Variants in ARPP19 observed in about 807,000 individuals in gnomAD.
ARPP19 encodes cAMP regulated phosphoprotein 19.
ARPP19 carries 8 observed loss-of-function variants against 12.0 expected under a neutral mutation model. That is an observed-to-expected ratio of 0.67 (90% CI 0.39 to 1.21). ARPP19 has a LOEUF of 1.21. ARPP19 is among the 50% of genes most tolerant of loss of function. ARPP19 has a pLI of 0.01. For synonymous variants in ARPP19, 47 were observed against 50.4 expected, an observed-to-expected ratio of 0.93 and a Z score of 0.29; for missense variants, 102 against 136.3, an observed-to-expected ratio of 0.75 and a Z score of 1.25.
chr15:52,548,141 T>C lies in ARPP19; in HGVS notation c.*3793A>G, dbSNP rs1439382014. ...CTGTAGTTTGTTACCTGAGGCAACC[T>C]TGGTCCAAAAATATTATGTGGAAAA... is the stretch of plus-strand genomic sequence containing the variant. On this transcript the variant is annotated 3_prime_UTR_variant, in exon 3 of 3. Coordinates refer to ENST00000249822, the MANE Select transcript of ARPP19 (RefSeq NM_006628.6). 1 of 152,240 alleles carries C rather than the reference T, an allele frequency of 6.6e-6. No homozygotes were observed. Among genetic ancestry groups the C allele is most frequent in the Non-Finnish European group, 1.5e-5 (1 of 68,042 alleles). 9.4% of individuals were successfully genotyped at this position (152,240 alleles called of 1,614,324 possible).
chr15:52,567,563 TTAA>T (rs904790601), intron 1 of ARPP19, among the ~76,000 whole-genome samples: 5 of 152,214 alleles, frequency 3.3e-5, no homozygotes, highest in African/African-American at 9.6e-5. Flanking sequence ...CAGGTGATAC[TTAA>T]TAATACTGTT....
chr15:52,556,985 A>G (rs2077987300), intron 2 of ARPP19, 115 bp downstream of exon 2: 2 of 1,138,130 alleles, frequency 1.8e-6, no homozygotes, highest in Non-Finnish European at 2.5e-6. Flanking sequence ...ACATATACAC[A>G]TATGTACATA....
At chr15:52,561,914 G>C (rs1197671037) in intron 1 of ARPP19, among the ~76,000 whole-genome samples, 3 of 148,148 alleles carry the variant, frequency 2.0e-5, no homozygotes, top group African/African-American at 7.4e-5. Flanking sequence ...TACCAAAACA[G>C]AGCTAGTGCA....
chr15:52,560,470 C>A (rs976397922), intron 1 of ARPP19, among the ~76,000 whole-genome samples: 2 of 152,212 alleles, frequency 1.3e-5, no homozygotes, highest in South Asian at 2.1e-4. Flanking sequence ...AACTTTCTTG[C>A]CAAATACATA....
intron 1 of ARPP19, among the ~76,000 whole-genome samples, chr15:52,559,858 A>C (rs965309431): frequency 1.3e-5 from 2 of 152,192 alleles, no homozygotes; most frequent in African/African-American, 4.8e-5. Context: ...GCTGGCTTCA[A>C]ATAATTTTGG....
intron 1 of ARPP19, chr15:52,557,513 TA>T: frequency 3.7e-6 from 1 of 272,746 alleles, no homozygotes; most frequent in South Asian, 5.3e-5. Context: ...CAGTCATGTA[TA>T]ATACATTTAT....
intron 1 of ARPP19, among the ~76,000 whole-genome samples, chr15:52,563,043 T>C (rs1229374176): frequency 6.6e-6 from 1 of 151,916 alleles, no homozygotes; most frequent in Non-Finnish European, 1.5e-5. Flanking sequence ...ACCTGGCTGA[T>C]TTTTGTATTT....
chr15:52,558,826 T>C (rs2078006666), intron 1 of ARPP19, among the ~76,000 whole-genome samples: 1 of 151,530 alleles, frequency 6.6e-6, no homozygotes, highest in Admixed American at 6.6e-5. Flanking sequence ...TCCCTTCCCT[T>C]TGTACCCACG....
At position 52,547,395 on chromosome 15, in the gene ARPP19, C is replaced by T. The variant is rs1201464908; in HGVS notation, c.*4539G>A. ...ACAAAACAAGGCATTTACTCTTGGC[C>T]CTTTCAGTACAGGCGAAGTGTTCTA... On this transcript the variant is annotated 3_prime_UTR_variant, in exon 3 of 3. Coordinates refer to ENST00000249822, the MANE Select transcript of ARPP19 (RefSeq NM_006628.6). 1.3e-5 allele frequency: 2 copies of T among 152,154 alleles called. No individual in the cohort carries two copies. Among genetic ancestry groups the T allele is most frequent in the African/African-American group, 4.8e-5 (2 of 41,410 alleles). The allele number at this position is 152,154 out of a possible 1,614,324, so 9.4% of individuals were successfully genotyped here.
At position 52,556,719 on chromosome 15, in the gene ARPP19, T is replaced by C. The variant is rs139273493; in HGVS notation, c.168+381A>G. 1.8e-3 allele frequency among the ~76,000 whole-genome samples: 269 copies of C among 152,192 alleles called. 3 individuals carry two copies. The East Asian group carries it at 0.034, about 19-fold the overall frequency. ...TGGATAGTGGCTGCTTTTGGAGAGA[T>C]AAGGGAAAGGGCTCATATTTACATA... On this transcript the variant is annotated intron_variant, in intron 2 of 2. Coordinates refer to ENST00000249822, the MANE Select transcript of ARPP19 (RefSeq NM_006628.6).
At chr15:52,553,912 T>C (rs2077958641) in intron 2 of ARPP19, among the ~76,000 whole-genome samples, 2 of 152,256 alleles carry the variant, frequency 1.3e-5, no homozygotes, top group Non-Finnish European at 2.9e-5. Context: ...ACTGCTTTAA[T>C]GTATTACTGT....
intron 2 of ARPP19, among the ~76,000 whole-genome samples, chr15:52,555,062 T>C (rs1401437197): frequency 6.6e-6 from 1 of 151,970 alleles, no homozygotes; most frequent in Non-Finnish European, 1.5e-5. Context: ...TTAAAAAAAA[T>C]CAAAACTTCA....
rs377278754 is a variant in ARPP19, at chr15:52,569,021, G to A, written c.-129C>T. ...GCCTCCGCCCGCGAAAATGGCCGCCGCCTTATGACGACACGGAGCCGCGAA... is the reference window on the plus strand; with the variant it reads ...GCCTCCGCCCGCGAAAATGGCCGCCACCTTATGACGACACGGAGCCGCGAA... On this transcript the variant is annotated 5_prime_UTR_variant, in exon 1 of 3. Coordinates refer to ENST00000249822, the MANE Select transcript of ARPP19 (RefSeq NM_006628.6). 5.4e-4 allele frequency: 357 copies of A among 658,920 alleles called. 2 individuals carry two copies. The East Asian group carries it at 0.01, about 19-fold the overall frequency. The allele number at this position is 658,920 out of a possible 1,614,324, so 40.8% of individuals were successfully genotyped here. A position where few individuals can be genotyped will look rare whatever the true frequency, so the allele number is the denominator to read the frequency against.
intron 1 of ARPP19, among the ~76,000 whole-genome samples, chr15:52,566,807 G>C (rs2078087178): frequency 6.6e-6 from 1 of 151,194 alleles, no homozygotes; most frequent in Non-Finnish European, 1.5e-5. Flanking sequence ...TGTACATATT[G>C]TTTCCTAATA....
chr15:52,560,884 G>A (rs1229561661), intron 1 of ARPP19, among the ~76,000 whole-genome samples: 1 of 152,168 alleles, frequency 6.6e-6, no homozygotes, highest in East Asian at 1.9e-4. Context: ...TCTAGTAGCA[G>A]CTACACGACA....
At chr15:52,568,140 T>C (rs1039201562) in intron 1 of ARPP19, 2 of 152,230 alleles carry the variant, frequency 1.3e-5, no homozygotes, top group African/African-American at 4.8e-5. Flanking sequence ...GTTTACAAAA[T>C]ATTCCTGTTT....
In ARPP19 at chr15:52,552,088, G is replaced by A. The variant is rs2077937912; in HGVS notation, c.185C>T (p.Ser62Phe). The change falls in exon 3 of 3, where the codon TCT becomes TTT. Residue 62 changes from serine (S) to phenylalanine (F), a missense_variant. Transcript: ENST00000249822. ...RLQKGQKYFD[S>F]GDYNMAKAKM... ...TGCTTTAGCCATGTTGTAATCCCCA[G>A]AATCAAAATATTTTTGCTATAAGTA... 6.2e-7 allele frequency: 1 copy of A among 1,611,682 alleles called. No homozygotes were observed. Among genetic ancestry groups the A allele is most frequent in the South Asian group, 1.1e-5 (1 of 90,990 alleles).
At chr15:52,564,458 T>C (rs2078063649) in intron 1 of ARPP19, among the ~76,000 whole-genome samples, 1 of 152,198 alleles carries the variant, frequency 6.6e-6, no homozygotes, top group African/African-American at 2.4e-5. Context: ...CAAAAGTAGT[T>C]GTCAAAAGAG....
In ARPP19 at chr15:52,568,903, C is replaced by G; in HGVS notation, c.-11G>C. ...GACTTCCGCAGACATAGTGCTCCCTCTGCAGACGAGACGCCGGGAAAAGAT... is the reference window on the plus strand; with the variant it reads ...GACTTCCGCAGACATAGTGCTCCCTGTGCAGACGAGACGCCGGGAAAAGAT... On this transcript the variant is annotated 5_prime_UTR_variant, in exon 1 of 3. Transcript: ENST00000249822. The G allele has an allele frequency of 6.4e-7, 1 of 1,570,884 alleles. No homozygotes were observed. Among genetic ancestry groups the G allele is most frequent in the East Asian group, 2.5e-5 (1 of 39,582 alleles).
Sources: allele counts gnomAD v4.1 joint callset (sites outside exome capture counted in the v4.1 genomes callset), GRCh38; gene constraint gnomAD v4.1.1; transcripts MANE v1.5; gene names NCBI Gene and HGNC (gene_info 2026-07-23, HGNC 2026-07-21).